The following TNIK variants were observed in gnomAD, a reference collection of about 807,000 sequenced individuals.
TNIK encodes the protein TRAF2 and NCK-interacting protein kinase.
A neutral mutation model predicts 191.3 loss-of-function variants in TNIK; 49 were observed. The ratio of observed to expected loss-of-function variants is 0.26; its 90% CI spans 0.20 to 0.32. The LOEUF (loss-of-function observed/expected upper bound fraction) is 0.32. Ranked by LOEUF, TNIK falls within the 10% of genes least tolerant of loss-of-function variation. The probability of loss-of-function intolerance (pLI) is 1.00; values close to 1 mark genes in which losing one functional copy is unlikely to be tolerated. For synonymous variants in TNIK, 594 were observed against 600.9 expected, an observed-to-expected ratio of 0.99 and a Z score of 0.17; for missense variants, 1,155 against 1,702.3, an observed-to-expected ratio of 0.68 and a Z score of 5.66.
rs183498171 is a variant in TNIK, at chr3:171,245,872, A to T, written c.124-17651T>A. Among the ~76,000 whole-genome samples the T allele has an allele frequency of 2.4e-3, 361 of 152,326 alleles. 1 individual carries two copies. The highest frequency in any genetic ancestry group is 8.1e-3 in the African/African-American group (336 of 41,568). ...TATTATGACTATTTTGATTTAAGTA[A>T]ATCAACATCAAATCCTATTGGAAAT... On this transcript the variant is annotated intron_variant, in intron 2 of 32. Transcript: ENST00000436636.
At chr3:171,165,570 G>A (rs1466005463) in intron 10 of TNIK, among the ~76,000 whole-genome samples, 2 of 152,146 alleles carry the variant, frequency 1.3e-5, no homozygotes, top group Non-Finnish European at 2.9e-5. Context: ...TGTGTTATGG[G>A]TATTAACTGC....
intron 2 of TNIK, among the ~76,000 whole-genome samples, chr3:171,293,858 T>C (rs13080913): frequency 0.022 from 3,309 of 152,256 alleles, 48 homozygotes; most frequent in Middle Eastern, 0.037. Context: ...TGTGGGAAGA[T>C]TGCTTGAGAC....
intron 18 of TNIK, among the ~76,000 whole-genome samples, chr3:171,118,754 G>A (rs1009884724): frequency 6.6e-6 from 1 of 152,106 alleles, no homozygotes; most frequent in Non-Finnish European, 1.5e-5. Flanking sequence ...AGCTGAAACT[G>A]GATCCCTTCC....
chr3:171,229,211 G>A (rs1743315962), intron 2 of TNIK, among the ~76,000 whole-genome samples: 1 of 152,186 alleles, frequency 6.6e-6, no homozygotes, highest in African/African-American at 2.4e-5. Flanking sequence ...AGTGACATAT[G>A]CAGATTAGCT....
chr3:171,083,346 A>T (rs1720926427), intron 26 of TNIK, among the ~76,000 whole-genome samples: 1 of 152,088 alleles, frequency 6.6e-6, no homozygotes, highest in African/African-American at 2.4e-5. Flanking sequence ...TCTATCATGA[A>T]ATGGTTCCTA....
intron 4 of TNIK, among the ~76,000 whole-genome samples, chr3:171,196,374 C>T (rs1303319580): frequency 6.6e-6 from 1 of 152,016 alleles, no homozygotes; most frequent in East Asian, 1.9e-4. Context: ...ATAGAATTTG[C>T]CTTTTGGTAT....
At chr3:171,092,237 C>G (rs746551063) in intron 23 of TNIK, among the ~76,000 whole-genome samples, 1 of 152,070 alleles carries the variant, frequency 6.6e-6, no homozygotes, top group South Asian at 2.1e-4. Context: ...CACGAGCCAC[C>G]GCGCCCGGCT....
chr3:171,233,201 A>G (rs1259544740), intron 2 of TNIK, among the ~76,000 whole-genome samples: 2 of 152,190 alleles, frequency 1.3e-5, no homozygotes, highest in Non-Finnish European at 2.9e-5. Flanking sequence ...TCTCCACTTT[A>G]TTGAGGAAGT....
chr3:171,211,935 C>T (rs1365570741), intron 3 of TNIK, among the ~76,000 whole-genome samples: 1 of 152,164 alleles, frequency 6.6e-6, no homozygotes, highest in Non-Finnish European at 1.5e-5. Flanking sequence ...AGTCCACCAA[C>T]CTGGACCCTT....
Position 171,188,622 on chromosome 3 carries a change from A to C in TNIK, c.639+80T>G. 20 of 1,506,412 alleles carry C rather than the reference A, an allele frequency of 1.3e-5. No individual in the cohort carries two copies. In the South Asian group the frequency reaches 2.8e-4, roughly 21 times the overall value. The allele number at this position is 1,506,412 out of a possible 1,614,324, so 93.3% of individuals were successfully genotyped here. ...CTCCCTTTGGGTGACATAAATCATA[A>C]ATATAAGGGCATGTAAGACTTTATA... On this transcript the variant is annotated intron_variant, in intron 7 of 32. Transcript: ENST00000436636.
intron 9 of TNIK, among the ~76,000 whole-genome samples, chr3:171,171,561 C>T (rs1735284101): frequency 6.6e-6 from 1 of 152,138 alleles, no homozygotes; most frequent in African/African-American, 2.4e-5. Context: ...TTTCTAATGA[C>T]CTCAACTGAG....
At chr3:171,360,331 G>A (rs7628530) in intron 2 of TNIK, among the ~76,000 whole-genome samples, 4,799 of 152,254 alleles carry the variant, frequency 0.032, 221 homozygotes, top group African/African-American at 0.11. Flanking sequence ...TAGGCATTCC[G>A]TATAAATCAT....
intron 9 of TNIK, among the ~76,000 whole-genome samples, chr3:171,173,326 G>A (rs1298062177): frequency 1.3e-5 from 2 of 151,458 alleles, no homozygotes; most frequent in Admixed American, 1.3e-4. Flanking sequence ...AACCCGGGAG[G>A]CAGAGCTTGC....
At chr3:171,080,453 G>A in intron 27 of TNIK, among the ~76,000 whole-genome samples, 1 of 142,662 alleles carries the variant, frequency 7.0e-6, no homozygotes, top group East Asian at 2.0e-4. Context: ...ATTTTTTTTT[G>A]AGACATGAGT....
intron 7 of TNIK, among the ~76,000 whole-genome samples, chr3:171,181,091 C>T (rs1736594381): frequency 6.6e-6 from 1 of 152,200 alleles, no homozygotes. Flanking sequence ...ATCCTCCCAC[C>T]TCGGGTTCTC....
intron 7 of TNIK, among the ~76,000 whole-genome samples, chr3:171,181,447 AC>A (rs1480346494): frequency 6.6e-6 from 1 of 152,152 alleles, no homozygotes; most frequent in African/African-American, 2.4e-5. Flanking sequence ...GTCATTTTCA[AC>A]CCTCATTTTT....
intron 1 of TNIK, among the ~76,000 whole-genome samples, chr3:171,390,661 G>A (rs1719375709): frequency 6.6e-6 from 1 of 152,212 alleles, no homozygotes; most frequent in Non-Finnish European, 1.5e-5. Context: ...GGTGATGTTG[G>A]TGATCTCACC....
chr3:171,447,761 CAG>C (rs1727682569), intron 1 of TNIK, among the ~76,000 whole-genome samples: 1 of 152,218 alleles, frequency 6.6e-6, no homozygotes, highest in Non-Finnish European at 1.5e-5. Context: ...CCTAAGGAAA[CAG>C]AGATGCACAC....
chr3:171,076,590 A>T (rs1374020190), intron 28 of TNIK, among the ~76,000 whole-genome samples: 1 of 152,146 alleles, frequency 6.6e-6, no homozygotes, highest in African/African-American at 2.4e-5. Flanking sequence ...AATGTATTTT[A>T]TCTAGTACAC....
Sources: allele counts gnomAD v4.1 joint callset (sites outside exome capture counted in the v4.1 genomes callset), GRCh38; gene constraint gnomAD v4.1.1; transcripts MANE v1.5; gene names NCBI Gene and HGNC (gene_info 2026-07-23, HGNC 2026-07-21).